The following RAB31 variants were observed in gnomAD, a reference collection of about 807,000 sequenced individuals.
RAB31 encodes the protein ras-related protein Rab-31.
In RAB31, 21 loss-of-function variants were observed where a neutral mutation model predicts 25.6. That is an observed-to-expected ratio of 0.82 (90% CI 0.58 to 1.18). The LOEUF (loss-of-function observed/expected upper bound fraction) is 1.18. Ranked by LOEUF, RAB31 falls within the 50% of genes most tolerant of loss-of-function variation. The probability of loss-of-function intolerance (pLI) is 0.00; values close to 1 mark genes in which losing one functional copy is unlikely to be tolerated. For synonymous variants in RAB31, 87 were observed against 84.0 expected, an observed-to-expected ratio of 1.04 and a Z score of -0.20; for missense variants, 196 against 250.1, an observed-to-expected ratio of 0.78 and a Z score of 1.46.
intron 1 of RAB31, among the ~76,000 whole-genome samples, chr18:9,737,627 A>G (rs2068788178): frequency 6.6e-6 from 1 of 152,134 alleles, no homozygotes; most frequent in Non-Finnish European, 1.5e-5. Flanking sequence ...GCCACAGTGA[A>G]TTGCTTGTGT....
chr18:9,799,785 TG>T (rs1300778859), intron 3 of RAB31, among the ~76,000 whole-genome samples: 1 of 152,232 alleles, frequency 6.6e-6, no homozygotes, highest in African/African-American at 2.4e-5. Context: ...TTAACAAAAA[TG>T]TTTTTTGAAA....
At position 9,854,128 on chromosome 18, in the gene RAB31, C is replaced by G. The variant is rs150545857; in HGVS notation, c.491-5100C>G. ...ATTTGTCCTAATGCTCTCGCTCCCC[C>G]ACCCCCAACCCCTCAACAGGTCCTG... On this transcript the variant is annotated intron_variant, in intron 6 of 6. Coordinates refer to ENST00000578921, the MANE Select transcript of RAB31 (RefSeq NM_006868.4). Among the ~76,000 whole-genome samples the G allele has an allele frequency of 3.9e-5, 6 of 152,154 alleles. No individual in the cohort carries two copies. The East Asian group carries it at 7.7e-4, about 20-fold the overall frequency.
At chr18:9,841,538 CAAAAA>C (rs56283904) in intron 5 of RAB31, among the ~76,000 whole-genome samples, 137 of 100,860 alleles carry the variant, frequency 1.4e-3, no homozygotes, top group East Asian at 2.8e-3. Context: ...GACTCTGTCT[CAAAAA>C]AAAAAAAAAA....
At chr18:9,820,576 A>G (rs75172479) in intron 5 of RAB31, among the ~76,000 whole-genome samples, 4,545 of 152,058 alleles carry the variant, frequency 0.03, 242 homozygotes, top group African/African-American at 0.1. Context: ...TGAAGGATTG[A>G]TGTCATTTCT....
intron 5 of RAB31, among the ~76,000 whole-genome samples, chr18:9,845,018 T>C (rs2068753722): frequency 6.6e-6 from 1 of 152,128 alleles, no homozygotes; most frequent in Non-Finnish European, 1.5e-5. Context: ...TTCATTTAAA[T>C]AGAGTTCATG....
At chr18:9,816,770 G>A (rs2068601076) in intron 5 of RAB31, among the ~76,000 whole-genome samples, 1 of 152,182 alleles carries the variant, frequency 6.6e-6, no homozygotes, top group South Asian at 2.1e-4. Context: ...AAAGGAAATA[G>A]CGAATTTGTG....
chr18:9,778,057 A>G (rs929088698), intron 2 of RAB31, among the ~76,000 whole-genome samples: 9 of 152,122 alleles, frequency 5.9e-5, no homozygotes, highest in Non-Finnish European at 1.3e-4. Flanking sequence ...CCGGCCTGTA[A>G]TGACCTTTTT....
chr18:9,761,083 T>C (rs2068286261), intron 1 of RAB31, among the ~76,000 whole-genome samples: 2 of 152,328 alleles, frequency 1.3e-5, no homozygotes, highest in East Asian at 1.9e-4. Context: ...ATGGTAGCTC[T>C]GTAGCCATGC....
intron 1 of RAB31, chr18:9,757,935 A>G (rs573796751): frequency 1.3e-5 from 2 of 152,364 alleles, no homozygotes; most frequent in African/African-American, 2.4e-5. Flanking sequence ...GTGTAAGAGC[A>G]TGTACTTACC....
rs921853132 is a variant in RAB31 at position 9,843,374 on chromosome 18, G to A, written c.381-2208G>A. On this transcript the variant is annotated intron_variant, in intron 5 of 6. Coordinates refer to ENST00000578921, the MANE Select transcript of RAB31 (RefSeq NM_006868.4). ...AGACTGGGCAACGTGGCGAAACCCCGTCTTTACCAAAAAATACAAAAATTA... is the reference window on the plus strand; with the variant it reads ...AGACTGGGCAACGTGGCGAAACCCCATCTTTACCAAAAAATACAAAAATTA... Among the ~76,000 whole-genome samples, 8 of 151,858 alleles carry A rather than the reference G, an allele frequency of 5.3e-5. No homozygotes were observed. In the East Asian group the frequency reaches 5.8e-4, roughly 11 times the overall value.
intron 6 of RAB31, among the ~76,000 whole-genome samples, chr18:9,847,522 T>C (rs1304970445): frequency 1.3e-5 from 2 of 152,174 alleles, no homozygotes; most frequent in Non-Finnish European, 2.9e-5. Context: ...TTTAAAAATA[T>C]CAAATAAGGA....
In RAB31 at chr18:9,766,287, C is replaced by G. The variant is rs1363714738; in HGVS notation, c.40-8991C>G. The stretch of plus-strand genomic sequence containing the variant: ...TGCTCCAAGATGTGGAGGCGCCTTC[C>G]TGCGTGACCTCATCTCTGCATCTGC... On this transcript the variant is annotated intron_variant, in intron 1 of 6. Transcript: ENST00000578921. The surrounding 1 kb of genome is among the most constrained non-coding windows in gnomAD (Gnocchi z 4.3). Among the ~76,000 whole-genome samples the G allele has an allele frequency of 6.6e-6, 1 of 152,212 alleles. No homozygotes were observed. The highest frequency in any genetic ancestry group is 1.5e-5 in the Non-Finnish European group (1 of 68,036).
chr18:9,717,736 C>G (rs1330356131), intron 1 of RAB31, among the ~76,000 whole-genome samples: 1 of 152,160 alleles, frequency 6.6e-6, no homozygotes, highest in Admixed American at 6.5e-5. Context: ...GACACACGTA[C>G]ACACAGTATG....
chr18:9,859,470 C>A lies in RAB31; in HGVS notation c.*145C>A. Reference sequence around the variant, plus strand: ...TGCATCCTGGAAGACCTGCAGGGGGCGGGGCAGGAAATGTACCTGAAAAGG... The same window carrying A: ...TGCATCCTGGAAGACCTGCAGGGGGAGGGGCAGGAAATGTACCTGAAAAGG... On this transcript the variant is annotated 3_prime_UTR_variant, in exon 7 of 7. Transcript: ENST00000578921. 1 of 609,676 alleles carries A rather than the reference C, an allele frequency of 1.6e-6. No individual in the cohort carries two copies. 37.8% of individuals were successfully genotyped at this position (609,676 alleles called of 1,614,324 possible).
At chr18:9,850,620 G>A (rs912540357) in intron 6 of RAB31, among the ~76,000 whole-genome samples, 5 of 152,318 alleles carry the variant, frequency 3.3e-5, no homozygotes, top group African/African-American at 1.2e-4. Context: ...ACTTTCTCCT[G>A]AAAATTACAC....
chr18:9,761,927 C>T (rs1489369774), intron 1 of RAB31, among the ~76,000 whole-genome samples: 3 of 152,166 alleles, frequency 2.0e-5, no homozygotes, highest in African/African-American at 7.2e-5. Context: ...GTGCCTCAGC[C>T]TCCCAAGTAG....
intron 1 of RAB31, among the ~76,000 whole-genome samples, chr18:9,742,119 G>A (rs1160485669): frequency 3.9e-5 from 6 of 152,222 alleles, no homozygotes; most frequent in African/African-American, 7.2e-5. Flanking sequence ...GGCAGGGCTC[G>A]AAGTGGGAAG....
chr18:9,740,576 G>C (rs747846039), intron 1 of RAB31, among the ~76,000 whole-genome samples: 1 of 152,072 alleles, frequency 6.6e-6, no homozygotes, highest in Non-Finnish European at 1.5e-5. Context: ...AGCTGGGCGT[G>C]GTGGCGCACA....
At chr18:9,733,225 A>G (rs1366465841) in intron 1 of RAB31, among the ~76,000 whole-genome samples, 1 of 152,230 alleles carries the variant, frequency 6.6e-6, no homozygotes, top group African/African-American at 2.4e-5. Context: ...AGTTAGGAAT[A>G]AATTGAGCTT....
Sources: gnomAD v4.1 joint callset for allele counts (sites outside exome capture counted in the v4.1 genomes callset) on GRCh38, gnomAD v4.1.1 for gene constraint, Gnocchi (gnomAD v3.1) non-coding constraint, MANE v1.5 for transcripts, NCBI Gene and HGNC (gene_info 2026-07-23, HGNC 2026-07-21) for gene names.